Variants in ERG observed in about 807,000 individuals in gnomAD.
ERG encodes the protein ETS transcription factor ERG.
A neutral mutation model predicts 55.3 loss-of-function variants in ERG; 9 were observed. That is an observed-to-expected ratio of 0.16 (90% CI 0.10 to 0.28). The LOEUF (loss-of-function observed/expected upper bound fraction) is 0.28. Ranked by LOEUF, ERG falls within the 10% of genes least tolerant of loss-of-function variation. ERG has a pLI of 1.00. For missense variants in ERG, 434 were observed against 631.6 expected (o/e 0.69, Z 3.35); for synonymous variants, 223 against 237.3 (o/e 0.94, Z 0.55).
intron 1 of ERG, among the ~76,000 whole-genome samples, chr21:38,643,544 T>C (rs2836583): frequency 0.047 from 7,131 of 152,246 alleles, 552 homozygotes; most frequent in African/African-American, 0.16. Context: ...TGTGGTAGAA[T>C]GGGTCTTCAA....
chr21:38,391,074 G>C, intron 8 of ERG, 32 bp from the exon 9 acceptor site: 1 of 1,580,350 alleles, frequency 6.3e-7, no homozygotes. Flanking sequence ...TCAAATCCTA[G>C]ACATAGTTGT....
chr21:38,522,607 A>T (rs1246060191), intron 2 of ERG, among the ~76,000 whole-genome samples: 1 of 152,228 alleles, frequency 6.6e-6, no homozygotes, highest in Non-Finnish European at 1.5e-5. Flanking sequence ...CTTACAGTGT[A>T]GTAGATCAAG....
intron 1 of ERG, among the ~76,000 whole-genome samples, chr21:38,466,638 T>C (rs118082968): frequency 6.6e-6 from 1 of 152,252 alleles, no homozygotes; most frequent in East Asian, 1.9e-4. Context: ...TTCTTATGGA[T>C]GGTCAGTTCT....
intron 2 of ERG, among the ~76,000 whole-genome samples, chr21:38,443,431 G>A (rs538965108): frequency 4.6e-5 from 7 of 152,118 alleles, no homozygotes; most frequent in Non-Finnish European, 4.4e-5. Flanking sequence ...AATGTGTCCC[G>A]GTCTTAGTGT....
intron 3 of ERG, among the ~76,000 whole-genome samples, chr21:38,421,195 C>A (rs893231485): frequency 6.6e-6 from 1 of 152,308 alleles, no homozygotes; most frequent in South Asian, 2.1e-4. Flanking sequence ...CATTCAGGTG[C>A]ATTGTCAAGA....
At chr21:38,407,157 A>G (rs1280268336) in intron 3 of ERG, among the ~76,000 whole-genome samples, 2 of 152,166 alleles carry the variant, frequency 1.3e-5, no homozygotes, top group East Asian at 3.8e-4. Flanking sequence ...TATCCTAAGG[A>G]AATAATAGAG....
chr21:38,485,066 C>T (rs2059270727), intron 1 of ERG, among the ~76,000 whole-genome samples: 2 of 151,570 alleles, frequency 1.3e-5, no homozygotes, highest in African/African-American at 4.9e-5. Flanking sequence ...AGAAGGATTC[C>T]AAAATAAGGC....
At chr21:38,495,978 G>A (rs1379572903) in intron 1 of ERG, among the ~76,000 whole-genome samples, 1 of 152,132 alleles carries the variant, frequency 6.6e-6, no homozygotes, top group Non-Finnish European at 1.5e-5. Flanking sequence ...TTGCTTCCAA[G>A]TCTTTACTAG....
intron 1 of ERG, among the ~76,000 whole-genome samples, chr21:38,653,758 A>T (rs926381343): frequency 1.6e-4 from 24 of 152,226 alleles, no homozygotes; most frequent in African/African-American, 5.8e-4. Context: ...CCCGTGTCTT[A>T]ACAGTCCCTG....
chr21:38,602,441 T>A (rs930505077), intron 1 of ERG, among the ~76,000 whole-genome samples: 4 of 151,852 alleles, frequency 2.6e-5, no homozygotes, highest in African/African-American at 9.7e-5. Flanking sequence ...CGGGACTCTG[T>A]CTCAAAAATA....
intron 1 of ERG, among the ~76,000 whole-genome samples, chr21:38,605,237 G>A (rs900076270): frequency 1.3e-5 from 2 of 152,120 alleles, no homozygotes; most frequent in African/African-American, 4.8e-5. Context: ...TCTTGGAGTG[G>A]CACAGTAACC....
At chr21:38,593,455 A>C (rs944756069) in intron 1 of ERG, among the ~76,000 whole-genome samples, 3 of 152,210 alleles carry the variant, frequency 2.0e-5, no homozygotes, top group African/African-American at 7.2e-5. Flanking sequence ...ATTTCTAAGA[A>C]AGTTCATCAA....
intron 2 of ERG, among the ~76,000 whole-genome samples, chr21:38,529,368 G>A (rs1279864091): frequency 1.3e-5 from 2 of 152,132 alleles, no homozygotes; most frequent in African/African-American, 4.8e-5. Flanking sequence ...GAAGTGAGGT[G>A]GAGAACTGGA....
chr21:38,573,068 GGGATCTAGGGCTGT>G (rs2059969168), intron 2 of ERG, among the ~76,000 whole-genome samples: 1 of 152,230 alleles, frequency 6.6e-6, no homozygotes, highest in African/African-American at 2.4e-5. Context: ...CAATGTGTAA[GGGATCTAGGGCTGT>G]GCAGGACGTG....
At position 38,383,429 on chromosome 21, in the gene ERG, G is replaced by C. The variant is rs371472449; in HGVS notation, c.1414C>G (p.Pro472Ala). ...TAGTAGTAAGTGCCCAGATGAGAAG[G>C]CATATGGCTGGTGGGGAGCCTAGTG... ...PNTRLPTSHM[P>A]SHLGTYY is the part of the protein sequence containing the mutation. Residue 472 changes from proline to alanine, a missense_variant, in exon 10 of 10, where the codon CCT becomes GCT. This residue lies in a region of ERG where 107 missense variants were observed against 126.8 expected (regional missense o/e 0.84). Transcript: ENST00000288319. This position sits in a 1 kb window ranked among gnomAD's most constrained non-coding sequence, Gnocchi z 5.7. 61 of 1,513,474 alleles carry C rather than the reference G, an allele frequency of 4.0e-5. No individual in the cohort carries two copies. The highest frequency in any genetic ancestry group is 5.0e-5 in the Non-Finnish European group (57 of 1,131,002). 93.8% of individuals were successfully genotyped at this position (1,513,474 alleles called of 1,614,324 possible).
chr21:38,513,128 T>TC (rs2059526406), intron 2 of ERG, among the ~76,000 whole-genome samples: 1 of 80,726 alleles, frequency 1.2e-5, no homozygotes, highest in Admixed American at 1.2e-4. Context: ...AGACTCCGTC[T>TC]CAAAAAAAAA....
intron 1 of ERG, among the ~76,000 whole-genome samples, chr21:38,466,335 T>C (rs2059090035): frequency 1.6e-5 from 1 of 63,792 alleles, no homozygotes; most frequent in Non-Finnish European, 4.4e-5. Flanking sequence ...GTGTGTGTGA[T>C]ATAGATATGT....
chr21:38,523,185 A>G (rs2059606992), intron 2 of ERG, among the ~76,000 whole-genome samples: 1 of 152,190 alleles, frequency 6.6e-6, no homozygotes, highest in African/African-American at 2.4e-5. Context: ...ACACTTAGGT[A>G]GCAAAAAGGG....
the ERG span, among the ~76,000 whole-genome samples, chr21:38,369,089 G>A: frequency 3.9e-5 from 6 of 152,160 alleles, no homozygotes; most frequent in Admixed American, 2.0e-4. Flanking sequence ...AGGTGAACAT[G>A]TCTTTATAAT....
Sources: gnomAD v4.1 joint callset for allele counts (sites outside exome capture counted in the v4.1 genomes callset) on GRCh38, gnomAD v4.1.1 for gene constraint, gnomAD v4.1.1 regional missense constraint, Gnocchi (gnomAD v3.1) non-coding constraint, MANE v1.5 for transcripts, NCBI Gene and HGNC (gene_info 2026-07-23, HGNC 2026-07-21) for gene names.